Variants in CSMD3 observed in about 807,000 individuals in gnomAD.
The protein encoded by CSMD3 is CUB and Sushi multiple domains 3, also known as CUB and sushi domain-containing protein 3.
Under a neutral mutation model 435.2 loss-of-function variants are expected in CSMD3, and 177 were observed. The ratio of observed to expected loss-of-function variants is 0.41; its 90% CI spans 0.36 to 0.46. The LOEUF (loss-of-function observed/expected upper bound fraction) is 0.46, where lower values mean the gene tolerates loss of function less well. CSMD3 is among the 20% of genes least tolerant of loss of function. CSMD3 has a pLI of 0.34. For synonymous variants in CSMD3, 1,656 were observed against 1,520.5 expected, an observed-to-expected ratio of 1.09 and a Z score of -2.07; for missense variants, 4,265 against 4,504.6, an observed-to-expected ratio of 0.95 and a Z score of 1.52.
At chr8:113,017,085 T>A (rs892145441) in intron 6 of CSMD3, among the ~76,000 whole-genome samples, 4 of 152,004 alleles carry the variant, frequency 2.6e-5, no homozygotes, top group Non-Finnish European at 4.4e-5. Flanking sequence ...ACCACTGCAT[T>A]TCCTCTGTTA....
intron 22 of CSMD3, 35 bp from the exon 23 acceptor site, chr8:112,587,270 A>G (rs1367261597): frequency 6.7e-7 from 1 of 1,483,184 alleles, no homozygotes; most frequent in Non-Finnish European, 9.4e-7. Flanking sequence ...GTACAGTTTA[A>G]TAGATAGCAG....
chr8:112,246,353 A>G (rs554623851), intron 64 of CSMD3, among the ~76,000 whole-genome samples: 6 of 152,274 alleles, frequency 3.9e-5, no homozygotes, highest in African/African-American at 1.4e-4. Context: ...TCCATTTTTC[A>G]CCAAGAAACA....
chr8:113,299,536 G>C (rs924205128), intron 2 of CSMD3, among the ~76,000 whole-genome samples: 1 of 152,112 alleles, frequency 6.6e-6, no homozygotes, highest in African/African-American at 2.4e-5. Flanking sequence ...TAATTGGAGA[G>C]AAAGTGGCTA....
At chr8:112,837,273 CA>C (rs2080053851) in intron 11 of CSMD3, among the ~76,000 whole-genome samples, 1 of 151,690 alleles carries the variant, frequency 6.6e-6, no homozygotes, top group Admixed American at 6.6e-5. Flanking sequence ...CAATATTAGA[CA>C]TTTTTTATTT....
intron 3 of CSMD3, among the ~76,000 whole-genome samples, chr8:113,179,968 G>A (rs1014921940): frequency 6.6e-6 from 1 of 151,764 alleles, no homozygotes; most frequent in African/African-American, 2.4e-5. Context: ...CTTGAAAATG[G>A]GAATGAAAAA....
intron 22 of CSMD3, among the ~76,000 whole-genome samples, chr8:112,621,195 A>G (rs1017786964): frequency 4.6e-5 from 7 of 152,110 alleles, no homozygotes; most frequent in Non-Finnish European, 7.4e-5. Context: ...AGATCATGCC[A>G]TTGCACTCCA....
chr8:112,382,104 C>A (rs1254416557), intron 37 of CSMD3, among the ~76,000 whole-genome samples: 2 of 151,722 alleles, frequency 1.3e-5, no homozygotes, highest in Admixed American at 6.6e-5. Flanking sequence ...CATAGCGAGA[C>A]CTCAGCTCTA....
chr8:112,521,528 T>C (rs1824280724), intron 27 of CSMD3, among the ~76,000 whole-genome samples: 1 of 151,980 alleles, frequency 6.6e-6, no homozygotes, highest in Non-Finnish European at 1.5e-5. Context: ...TCTTTTGCTT[T>C]TGTTACTTGA....
In CSMD3 at chr8:112,979,767, G is replaced by T. The variant is rs550248938; in HGVS notation, c.1031-3619C>A. Among the ~76,000 whole-genome samples, 3 of 151,330 alleles carry T rather than the reference G, an allele frequency of 2.0e-5. No individual in the cohort carries two copies. In the East Asian group the frequency reaches 5.8e-4, roughly 29 times the overall value. ...AAACTTTCTTCATTTGATATCAAATGATATATACAAGGTGTAGCTTATCAC... is the reference window on the plus strand; with the variant it reads ...AAACTTTCTTCATTTGATATCAAATTATATATACAAGGTGTAGCTTATCAC... On this transcript the variant is annotated intron_variant, in intron 6 of 70. Coordinates refer to ENST00000297405, the MANE Select transcript of CSMD3 (RefSeq NM_198123.2).
chr8:112,846,432 G>A (rs2080321817), intron 11 of CSMD3, among the ~76,000 whole-genome samples: 1 of 146,216 alleles, frequency 6.8e-6, no homozygotes, highest in African/African-American at 2.5e-5. Context: ...TGAGATAGGT[G>A]TTGCTCTGTC....
At position 112,552,612 on chromosome 8, in the gene CSMD3, T is replaced by C. The variant is rs2131201169; in HGVS notation, c.4343A>G (p.Asp1448Gly). The C allele has an allele frequency of 6.2e-7, 1 of 1,612,372 alleles. No individual in the cohort carries two copies. The highest frequency in any genetic ancestry group is 8.5e-7 in the Non-Finnish European group (1 of 1,179,010). The change falls in exon 26 of 71, where the codon GAT becomes GGT. Residue 1448 changes from aspartate (D) to glycine (G), a missense_variant. Physicochemically the swap from Asp to Gly is moderately conservative, Grantham distance 94. This residue lies in a region of CSMD3 where 3,255 missense variants were observed against 3,380.2 expected (regional missense o/e 0.96). Coordinates refer to ENST00000297405, the MANE Select transcript of CSMD3 (RefSeq NM_198123.2). ...NLRCMWMIEV[D>G]PGNIVSLQFL... ...CATTTACCTGACAATATTTCCAGGA[T>C]CTACCTCAATCATCCACATGCAACG... is the stretch of plus-strand genomic sequence containing the variant.
intron 2 of CSMD3, chr8:113,312,075 T>A (rs895777330): frequency 6.6e-6 from 1 of 152,104 alleles, no homozygotes; most frequent in African/African-American, 2.4e-5. Context: ...AATAGATTTT[T>A]ATTTATATAT....
chr8:112,365,644 T>C (rs996368794), intron 38 of CSMD3, among the ~76,000 whole-genome samples: 33 of 152,018 alleles, frequency 2.2e-4, no homozygotes, highest in African/African-American at 7.7e-4. Context: ...ATCAAACTTA[T>C]GGTGAGGTTT....
At chr8:112,689,369 G>A (rs117430321) in intron 14 of CSMD3, among the ~76,000 whole-genome samples, 2,905 of 152,028 alleles carry the variant, frequency 0.019, 55 homozygotes, top group Middle Eastern at 0.048. Flanking sequence ...CAAGCATATT[G>A]TATATCATTA....
In CSMD3 at chr8:112,433,024, A is replaced by G. The variant is rs535615110; in HGVS notation, c.5396-23992T>C. Among the ~76,000 whole-genome samples, 221 of 152,282 alleles carry G rather than the reference A, an allele frequency of 1.5e-3. 1 individual carries two copies. The highest frequency in any genetic ancestry group is 4.8e-3 in the African/African-American group (200 of 41,588). ...TATGTTAACTTTTTTTGTAACTATT[A>G]ACTGAGATCAAATTACATTTTTGGC... On this transcript the variant is annotated intron_variant, in intron 32 of 70. Transcript: ENST00000297405.
intron 13 of CSMD3, among the ~76,000 whole-genome samples, chr8:112,748,990 T>TAA (rs2077505109): frequency 1.3e-5 from 2 of 152,196 alleles, no homozygotes. Flanking sequence ...CTCCACAACC[T>TAA]CACCATCATC....
At chr8:112,450,973 A>G (rs890834778) in intron 32 of CSMD3, among the ~76,000 whole-genome samples, 2 of 152,212 alleles carry the variant, frequency 1.3e-5, no homozygotes, top group African/African-American at 4.8e-5. Context: ...TTACAATGAT[A>G]TTTGCAAAAG....
chr8:113,299,077 T>G (rs1349233587), intron 2 of CSMD3, among the ~76,000 whole-genome samples: 1 of 152,180 alleles, frequency 6.6e-6, no homozygotes, highest in Non-Finnish European at 1.5e-5. Context: ...ATTGAGCCAA[T>G]CAGTGCTGCT....
intron 23 of CSMD3, among the ~76,000 whole-genome samples, chr8:112,580,760 C>G (rs1463306201): frequency 6.6e-6 from 1 of 151,988 alleles, no homozygotes; most frequent in Non-Finnish European, 1.5e-5. Context: ...GACTTCAGAC[C>G]AAGTAGCAAA....
Sources: allele counts gnomAD v4.1 joint callset (sites outside exome capture counted in the v4.1 genomes callset), GRCh38; gene constraint gnomAD v4.1.1; regional missense constraint gnomAD v4.1.1; transcripts MANE v1.5; gene names NCBI Gene and HGNC (gene_info 2026-07-23, HGNC 2026-07-21).